MAPK8: variants seen among roughly 807,000 people sequenced by gnomAD.
The protein encoded by MAPK8 is JUN N-terminal kinase.
Under a neutral mutation model 52.9 loss-of-function variants are expected in MAPK8, and 13 were observed. The observed-to-expected ratio is 0.25, with a 90% CI of 0.16 to 0.39. The LOEUF (loss-of-function observed/expected upper bound fraction) is 0.39, where lower values mean the gene tolerates loss of function less well. Among genes scored for constraint, MAPK8 ranks in the 10% least tolerant of loss-of-function variants. MAPK8 has a pLI of 1.00. For synonymous variants in MAPK8, 191 were observed against 169.8 expected, an observed-to-expected ratio of 1.12 and a Z score of -0.97; for missense variants, 300 against 519.2, an observed-to-expected ratio of 0.58 and a Z score of 4.10.
intron 1 of MAPK8, among the ~76,000 whole-genome samples, chr10:48,321,936 ATATT>A (rs1014467196): frequency 9.9e-5 from 15 of 152,198 alleles, no homozygotes; most frequent in African/African-American, 2.9e-4. Context: ...ATGTGTGAGT[ATATT>A]TATATATAGA....
chr10:48,328,784 G>T (rs989011876), intron 1 of MAPK8, among the ~76,000 whole-genome samples: 3 of 152,206 alleles, frequency 2.0e-5, no homozygotes, highest in Non-Finnish European at 4.4e-5. Flanking sequence ...CACTTTAACT[G>T]TATCCAGCCA....
intron 10 of MAPK8, among the ~76,000 whole-genome samples, chr10:48,428,819 T>TTTTG (rs1157088027): frequency 6.6e-6 from 1 of 152,120 alleles, no homozygotes; most frequent in Non-Finnish European, 1.5e-5. Context: ...TGGTTGTTTT[T>TTTTG]TTTGTTTGTT....
intron 1 of MAPK8, among the ~76,000 whole-genome samples, chr10:48,356,608 G>A (rs576900315): frequency 5.3e-5 from 8 of 152,128 alleles, no homozygotes; most frequent in African/African-American, 1.9e-4. Flanking sequence ...TCAGGAGGCC[G>A]AGGCAGGTGG....
intron 1 of MAPK8, among the ~76,000 whole-genome samples, chr10:48,388,239 C>T (rs1303206806): frequency 6.6e-6 from 1 of 152,202 alleles, no homozygotes; most frequent in Non-Finnish European, 1.5e-5. Flanking sequence ...TCGTTAGCCT[C>T]ACCTTTCTGT....
At chr10:48,352,616 T>G (rs551178332) in intron 1 of MAPK8, among the ~76,000 whole-genome samples, 1 of 152,242 alleles carries the variant, frequency 6.6e-6, no homozygotes, top group South Asian at 2.1e-4. Flanking sequence ...GAAGCAAACT[T>G]CCTCAACTGG....
At chr10:48,399,436 C>A (rs1232330000) in intron 1 of MAPK8, among the ~76,000 whole-genome samples, 1 of 152,184 alleles carries the variant, frequency 6.6e-6, no homozygotes, top group Non-Finnish European at 1.5e-5. Flanking sequence ...AGCCTGTCTG[C>A]CTGCCTCTGC....
intron 1 of MAPK8, among the ~76,000 whole-genome samples, chr10:48,389,593 G>A (rs1276686854): frequency 6.6e-6 from 1 of 152,176 alleles, no homozygotes. Context: ...TACTCCTTGA[G>A]AGGAGAAAGA....
chr10:48,309,699 G>A (rs1370561640), intron 1 of MAPK8, among the ~76,000 whole-genome samples: 2 of 152,206 alleles, frequency 1.3e-5, no homozygotes, highest in African/African-American at 4.8e-5. Context: ...ATAGGAGCCT[G>A]CTTCTTGTTG....
chr10:48,360,380 T>C (rs375369466), intron 1 of MAPK8, among the ~76,000 whole-genome samples: 5 of 152,196 alleles, frequency 3.3e-5, no homozygotes, highest in African/African-American at 1.2e-4. Context: ...ATTGGTTTTT[T>C]TATCACCTAA....
chr10:48,385,730 A>C (rs2041273893), intron 1 of MAPK8, among the ~76,000 whole-genome samples: 1 of 152,114 alleles, frequency 6.6e-6, no homozygotes, highest in East Asian at 1.9e-4. Context: ...TTAGCTGGAC[A>C]ATTAAACTTT....
chr10:48,349,960 A>C (rs1387622742), intron 1 of MAPK8, among the ~76,000 whole-genome samples: 2 of 152,222 alleles, frequency 1.3e-5, no homozygotes, highest in Non-Finnish European at 2.9e-5. Flanking sequence ...ACAGAAATAC[A>C]AACTACCGTC....
At chr10:48,373,112 G>A (rs937834572) in intron 1 of MAPK8, among the ~76,000 whole-genome samples, 1 of 151,910 alleles carries the variant, frequency 6.6e-6, no homozygotes, top group African/African-American at 2.4e-5. Flanking sequence ...ATTTTCAATC[G>A]AGAATTTCAT....
Position 48,391,355 on chromosome 10 carries a change from T to C in MAPK8, c.-49-10257T>C, listed in dbSNP as rs2041611952. Among the ~76,000 whole-genome samples the C allele has an allele frequency of 2.0e-5, 3 of 152,324 alleles. No individual in the cohort carries two copies. In the South Asian group the frequency reaches 6.2e-4, roughly 32 times the overall value. ...CTAAATTCTATAACAAGAGTTCCTTTGTTTTTAATCTCAGAAGCCTTCTAA... is the reference window on the plus strand; with the variant it reads ...CTAAATTCTATAACAAGAGTTCCTTCGTTTTTAATCTCAGAAGCCTTCTAA... On this transcript the variant is annotated intron_variant, in intron 1 of 11. Transcript: ENST00000374189.
intron 1 of MAPK8, among the ~76,000 whole-genome samples, chr10:48,363,887 G>A (rs1252655231): frequency 6.6e-6 from 1 of 152,216 alleles, no homozygotes; most frequent in Non-Finnish European, 1.5e-5. Context: ...CTTCTGAAAA[G>A]CTGGTGAAGT....
intron 1 of MAPK8, among the ~76,000 whole-genome samples, chr10:48,369,578 A>G (rs967347623): frequency 1.3e-5 from 2 of 152,162 alleles, no homozygotes; most frequent in Admixed American, 6.6e-5. Context: ...GAAATTCTTT[A>G]GTGTTAAGTG....
chr10:48,391,927 TG>T (rs1364192049), intron 1 of MAPK8, among the ~76,000 whole-genome samples: 1 of 152,238 alleles, frequency 6.6e-6, no homozygotes, highest in East Asian at 1.9e-4. Context: ...GGGTAAGGTA[TG>T]GGGGAAGGAA....
intron 1 of MAPK8, among the ~76,000 whole-genome samples, chr10:48,342,263 C>T (rs549570534): frequency 6.6e-6 from 1 of 152,084 alleles, no homozygotes. Flanking sequence ...ACCACCTCGC[C>T]CATCCATTTT....
At chr10:48,415,111 C>T (rs2042993397) in intron 5 of MAPK8, among the ~76,000 whole-genome samples, 1 of 151,942 alleles carries the variant, frequency 6.6e-6, no homozygotes. Flanking sequence ...TATACAGCTG[C>T]TCTAATCATT....
intron 1 of MAPK8, among the ~76,000 whole-genome samples, chr10:48,323,867 T>G (rs1357466597): frequency 6.6e-6 from 1 of 152,220 alleles, no homozygotes; most frequent in African/African-American, 2.4e-5. Flanking sequence ...TGGCTCCATC[T>G]TCCAGTATAT....
Sources: allele counts gnomAD v4.1 joint callset (sites outside exome capture counted in the v4.1 genomes callset), GRCh38; gene constraint gnomAD v4.1.1; transcripts MANE v1.5; gene names NCBI Gene and HGNC (gene_info 2026-07-23, HGNC 2026-07-21).